Variants in CACNB4 observed in about 807,000 individuals in gnomAD.
CACNB4 encodes voltage-dependent L-type calcium channel subunit beta-4.
In CACNB4, 32 loss-of-function variants were observed where a neutral mutation model predicts 71.2. That is an observed-to-expected ratio of 0.45 (90% CI 0.34 to 0.60). The LOEUF (loss-of-function observed/expected upper bound fraction) is 0.60. Ranked by LOEUF, CACNB4 falls within the 20% of genes least tolerant of loss-of-function variation. The pLI is 0.01. For missense variants in CACNB4, 464 were observed against 647.9 expected (o/e 0.72, Z 3.08); for synonymous variants, 231 against 236.9 (o/e 0.97, Z 0.23).
intron 2 of CACNB4, among the ~76,000 whole-genome samples, chr2:151,925,860 G>A (rs2099860110): frequency 6.6e-6 from 1 of 152,114 alleles, no homozygotes; most frequent in South Asian, 2.1e-4. Flanking sequence ...ATGTGAGAAG[G>A]AGAGTTAAAC....
intron 2 of CACNB4, among the ~76,000 whole-genome samples, chr2:151,959,896 G>A (rs1257092099): frequency 2.6e-5 from 4 of 152,054 alleles, no homozygotes; most frequent in Admixed American, 2.6e-4. Context: ...GAGTTTCACA[G>A]ACACACATAG....
At chr2:151,909,852 G>A (rs12693163) in intron 2 of CACNB4, among the ~76,000 whole-genome samples, 73,094 of 151,966 alleles carry the variant, frequency 0.48, 21,795 homozygotes, top group Non-Finnish European at 0.66. Context: ...ATTGTAAATC[G>A]TGCTGCAATA....
intron 4 of CACNB4, among the ~76,000 whole-genome samples, chr2:151,878,826 A>C (rs559750418): frequency 2.5e-4 from 38 of 152,260 alleles, no homozygotes; most frequent in African/African-American, 8.9e-4. Context: ...TGGGAGGATC[A>C]CTTGAGCCCA....
chr2:151,940,688 T>G (rs1270348552), intron 2 of CACNB4, among the ~76,000 whole-genome samples: 1 of 152,180 alleles, frequency 6.6e-6, no homozygotes, highest in African/African-American at 2.4e-5. Context: ...AGATCTTTTG[T>G]CAACTATAAG....
At chr2:151,975,654 C>T (rs1256907350) in intron 2 of CACNB4, among the ~76,000 whole-genome samples, 2 of 152,126 alleles carry the variant, frequency 1.3e-5, no homozygotes, top group African/African-American at 4.8e-5. Flanking sequence ...TCGGTTCCCT[C>T]CCCCATACAC....
chr2:151,902,533 T>C lies in CACNB4; in HGVS notation c.148-19163A>G, dbSNP rs1403764495. Among the ~76,000 whole-genome samples, 9 of 152,212 alleles carry C rather than the reference T, an allele frequency of 5.9e-5. No homozygotes were observed. The East Asian group carries it at 1.7e-3, about 29-fold the overall frequency. On this transcript the variant is annotated intron_variant, in intron 2 of 13. Coordinates refer to ENST00000539935, the MANE Select transcript of CACNB4 (RefSeq NM_000726.5). Reference sequence around the variant, plus strand: ...TCACGATTATTAGAATTTTTCATTATGGATAATAAAAATTAAATCATATCT... The same window carrying C: ...TCACGATTATTAGAATTTTTCATTACGGATAATAAAAATTAAATCATATCT...
chr2:151,905,148 T>C (rs934053906), intron 2 of CACNB4, among the ~76,000 whole-genome samples: 5 of 152,144 alleles, frequency 3.3e-5, no homozygotes, highest in African/African-American at 1.2e-4. Context: ...CAGATGAACC[T>C]AAAATATTAA....
intron 2 of CACNB4, among the ~76,000 whole-genome samples, chr2:151,898,643 T>C (rs146557955): frequency 3.1e-4 from 47 of 152,376 alleles, no homozygotes; most frequent in African/African-American, 1.1e-3. Context: ...TCATTATCTT[T>C]GCTTTTCTAT....
intron 2 of CACNB4, among the ~76,000 whole-genome samples, chr2:151,950,721 T>C (rs1331634175): frequency 1.3e-5 from 2 of 152,216 alleles, no homozygotes; most frequent in Admixed American, 1.3e-4. Context: ...AGGTCACATA[T>C]TGTATGATTT....
At chr2:151,999,192 T>G (rs935307542) in intron 2 of CACNB4, among the ~76,000 whole-genome samples, 10 of 152,084 alleles carry the variant, frequency 6.6e-5, no homozygotes, top group Non-Finnish European at 1.2e-4. Context: ...GCGCAGGTGG[T>G]GCTTCTTCCC....
At chr2:151,965,916 T>C (rs1050890931) in intron 2 of CACNB4, among the ~76,000 whole-genome samples, 2 of 152,234 alleles carry the variant, frequency 1.3e-5, no homozygotes, top group Non-Finnish European at 2.9e-5. Context: ...CTCAAAGATA[T>C]GTACCACATA....
At chr2:151,855,542 T>C (rs1026683738) in intron 10 of CACNB4, among the ~76,000 whole-genome samples, 167 bp from the exon 11 acceptor site, 4 of 152,258 alleles carry the variant, frequency 2.6e-5, no homozygotes, top group African/African-American at 4.8e-5. Flanking sequence ...TAGACAGAGA[T>C]GGGTTGAGTT....
intron 2 of CACNB4, among the ~76,000 whole-genome samples, chr2:151,991,852 T>G (rs1419776234): frequency 6.6e-6 from 1 of 152,174 alleles, no homozygotes; most frequent in African/African-American, 2.4e-5. Flanking sequence ...AAGCAGAACC[T>G]AAGATAACGA....
chr2:152,038,808 C>G (rs1254625770), intron 2 of CACNB4, among the ~76,000 whole-genome samples: 1 of 152,126 alleles, frequency 6.6e-6, no homozygotes, highest in Non-Finnish European at 1.5e-5. Flanking sequence ...TGGAGAGGGA[C>G]AGTTCCCTCA....
chr2:152,093,325 A>T (rs1422663085), intron 2 of CACNB4, among the ~76,000 whole-genome samples: 1 of 151,306 alleles, frequency 6.6e-6, no homozygotes, highest in East Asian at 1.9e-4. Flanking sequence ...ATTTTTCTTT[A>T]ATTTGTTATA....
intron 2 of CACNB4, among the ~76,000 whole-genome samples, chr2:151,913,140 T>C (rs1328032276): frequency 1.3e-5 from 2 of 152,248 alleles, no homozygotes; most frequent in African/African-American, 4.8e-5. Flanking sequence ...CTGTGTCTTT[T>C]AATTGGGGCA....
chr2:151,843,405 C>T (rs1439700768), intron 12 of CACNB4, among the ~76,000 whole-genome samples: 8 of 152,218 alleles, frequency 5.3e-5, no homozygotes, highest in Non-Finnish European at 1.0e-4. Flanking sequence ...GCCTGGAACA[C>T]CTGGGCTCTA....
chr2:152,065,716 A>G (rs1196429591), intron 2 of CACNB4, among the ~76,000 whole-genome samples: 1 of 152,086 alleles, frequency 6.6e-6, no homozygotes, highest in African/African-American at 2.4e-5. Context: ...AGGTTGTCCT[A>G]TATGTCCTCA....
chr2:151,908,709 A>T (rs2099855406), intron 2 of CACNB4, among the ~76,000 whole-genome samples: 1 of 152,226 alleles, frequency 6.6e-6, no homozygotes. Context: ...GCCATTTCGC[A>T]GTGAGGGCAG....
Sources: gnomAD v4.1 joint callset for allele counts (sites outside exome capture counted in the v4.1 genomes callset) on GRCh38, gnomAD v4.1.1 for gene constraint, MANE v1.5 for transcripts, NCBI Gene and HGNC (gene_info 2026-07-23, HGNC 2026-07-21) for gene names.